PIK3CB: variants seen among roughly 807,000 people sequenced by gnomAD.
PIK3CB encodes phosphatidylinositol-4,5-bisphosphate 3-kinase catalytic subunit beta.
PIK3CB carries 39 observed loss-of-function variants against 136.8 expected under a neutral mutation model. The observed-to-expected ratio is 0.29, with a 90% CI of 0.22 to 0.37. The LOEUF (loss-of-function observed/expected upper bound fraction) is 0.37, where lower values mean the gene tolerates loss of function less well. Among genes scored for constraint, PIK3CB ranks in the 10% least tolerant of loss-of-function variants. The pLI is 1.00. For synonymous variants in PIK3CB, 428 were observed against 436.6 expected (o/e 0.98, Z 0.25); for missense variants, 868 against 1,275.4 (o/e 0.68, Z 4.87).
chr3:138,809,076 T>G (rs896161864), intron 1 of PIK3CB, among the ~76,000 whole-genome samples: 2 of 149,296 alleles, frequency 1.3e-5, no homozygotes, highest in Non-Finnish European at 3.0e-5. Context: ...GAGTTCAAGA[T>G]CATCCTGGCC....
chr3:138,688,224 A>C (rs958289812), intron 16 of PIK3CB, among the ~76,000 whole-genome samples: 2 of 151,944 alleles, frequency 1.3e-5, no homozygotes, highest in Non-Finnish European at 2.9e-5. Flanking sequence ...TGGGGCAGCC[A>C]GGTACGGTGG....
chr3:138,660,650 T>TA (rs949989824), intron 21 of PIK3CB, among the ~76,000 whole-genome samples: 8 of 152,168 alleles, frequency 5.3e-5, no homozygotes, highest in Non-Finnish European at 1.2e-4. Flanking sequence ...CAACTATAGT[T>TA]AACAACAATA....
chr3:138,736,211 G>T (rs926863838), intron 6 of PIK3CB, among the ~76,000 whole-genome samples: 3 of 152,124 alleles, frequency 2.0e-5, no homozygotes, highest in Non-Finnish European at 2.9e-5. Flanking sequence ...TCTTCTTATG[G>T]ACTAGAGTTC....
intron 2 of PIK3CB, among the ~76,000 whole-genome samples, chr3:138,775,894 T>C (rs2045852327): frequency 6.6e-6 from 1 of 151,738 alleles, no homozygotes; most frequent in Non-Finnish European, 1.5e-5. Context: ...ATAGCATTCT[T>C]TTAAATTAAA....
chr3:138,694,963 T>A, intron 13 of PIK3CB, 56 bp from the exon 14 acceptor site: 1 of 1,538,318 alleles, frequency 6.5e-7, no homozygotes, highest in South Asian at 1.3e-5. Context: ...TAATCTAATT[T>A]TCCTTGACAC....
At chr3:138,714,892 A>T (rs1172594764) in intron 8 of PIK3CB, among the ~76,000 whole-genome samples, 173 bp from the exon 9 acceptor site, 1 of 152,216 alleles carries the variant, frequency 6.6e-6, no homozygotes, top group Admixed American at 6.5e-5. Flanking sequence ...TTGTCTGCAG[A>T]ACCACTAGAG....
At chr3:138,813,303 GA>G (rs1933159772) in intron 1 of PIK3CB, among the ~76,000 whole-genome samples, 1 of 152,016 alleles carries the variant, frequency 6.6e-6, no homozygotes. Context: ...ACACTTAAGT[GA>G]TACAGTTCCC....
chr3:138,813,430 ATT>A (rs770922735), intron 1 of PIK3CB, among the ~76,000 whole-genome samples: 42 of 133,146 alleles, frequency 3.2e-4, no homozygotes, highest in African/African-American at 3.3e-4. Context: ...GGCCTACTCT[ATT>A]TTTTTTTTTT....
At chr3:138,779,305 C>T (rs1171040073) in intron 2 of PIK3CB, among the ~76,000 whole-genome samples, 9 of 150,690 alleles carry the variant, frequency 6.0e-5, no homozygotes, top group African/African-American at 2.2e-4. Flanking sequence ...CCAGGATGGT[C>T]TTGATCTCCT....
intron 2 of PIK3CB, among the ~76,000 whole-genome samples, chr3:138,772,753 C>T (rs973889253): frequency 6.8e-6 from 1 of 148,004 alleles, no homozygotes; most frequent in Non-Finnish European, 1.5e-5. Context: ...GGATTACAAG[C>T]ATTAGCCAAA....
Position 138,656,204 on chromosome 3 carries a change from C to A in PIK3CB, c.3013G>T (p.Ala1005Ser). 6.2e-7 allele frequency: 1 copy of A among 1,614,036 alleles called. No individual in the cohort carries two copies. The highest frequency in any genetic ancestry group is 8.5e-7 in the Non-Finnish European group (1 of 1,179,970). The change falls in exon 23 of 24, where the codon GCG becomes TCG. Residue 1005 changes from alanine to serine, a missense_variant. This residue lies in a region of PIK3CB where 88 missense variants were observed against 147.8 expected (regional missense o/e 0.60). Coordinates refer to ENST00000674063, the MANE Select transcript of PIK3CB (RefSeq NM_006219.3). ...GGAAGCCCTGCAGTCAACATCAGCG[C>A]AAAGAGAGTGATGAAGAGATTCCCA... ...RHGNLFITLF[A>S]LMLTAGLPEL... is the part of the protein sequence containing the mutation.
At chr3:138,775,693 G>A (rs1215531574) in intron 2 of PIK3CB, among the ~76,000 whole-genome samples, 1 of 152,092 alleles carries the variant, frequency 6.6e-6, no homozygotes, top group African/African-American at 2.4e-5. Flanking sequence ...TGCATAATGG[G>A]ATGAGTACTG....
intron 19 of PIK3CB, among the ~76,000 whole-genome samples, chr3:138,676,720 T>C (rs2043651748): frequency 6.6e-6 from 1 of 152,184 alleles, no homozygotes; most frequent in South Asian, 2.1e-4. Flanking sequence ...TTGAAGCCAT[T>C]ACGCTTAGAG....
intron 4 of PIK3CB, among the ~76,000 whole-genome samples, chr3:138,744,913 T>C (rs953701084): frequency 3.3e-5 from 5 of 152,208 alleles, no homozygotes; most frequent in African/African-American, 1.2e-4. Flanking sequence ...TTCTCCACGA[T>C]CTGTATCTTG....
chr3:138,653,746 C>G lies in PIK3CB; in HGVS notation c.*1643G>C, dbSNP rs2108376334. 5.3e-6 allele frequency: 1 copy of G among 188,992 alleles called. No homozygotes were observed. The highest frequency in any genetic ancestry group is 1.9e-3 in the Middle Eastern group (1 of 524). The allele number at this position is 188,992 out of a possible 1,614,324, so 11.7% of individuals were successfully genotyped here. A position where few individuals can be genotyped will look rare whatever the true frequency, so the allele number is the denominator to read the frequency against. ...CCCATGAACAAGAGCTCCAAAGCAG[C>G]AGAGTCTGGCCTTGGCTCAGTGCCA... On this transcript the variant is annotated 3_prime_UTR_variant, in exon 24 of 24. Coordinates refer to ENST00000674063, the MANE Select transcript of PIK3CB (RefSeq NM_006219.3).
rs1365145322 is a variant in PIK3CB at position 138,740,634 on chromosome 3, T to G, written c.621+1924A>C. Among the ~76,000 whole-genome samples the G allele has an allele frequency of 5.3e-5, 8 of 152,286 alleles. 2 individuals carry two copies. The highest frequency in any genetic ancestry group is 5.2e-4 in the Admixed American group (8 of 15,280). Reference sequence around the variant, plus strand: ...TTTCAAGCAGTTGTTCATTATCACTTTCAATGACTTCATGAAATATTGTAC... The same window carrying G: ...TTTCAAGCAGTTGTTCATTATCACTGTCAATGACTTCATGAAATATTGTAC... On this transcript the variant is annotated intron_variant, in intron 5 of 23. Coordinates refer to ENST00000674063, the MANE Select transcript of PIK3CB (RefSeq NM_006219.3).
chr3:138,692,394 G>T (rs2044028693), intron 14 of PIK3CB, among the ~76,000 whole-genome samples: 1 of 152,150 alleles, frequency 6.6e-6, no homozygotes, highest in Non-Finnish European at 1.5e-5. Flanking sequence ...GGATCAATGC[G>T]TTTAAGAAAA....
chr3:138,665,894 G>GTC (rs2043400099), intron 19 of PIK3CB, among the ~76,000 whole-genome samples: 9 of 152,008 alleles, frequency 5.9e-5, no homozygotes, highest in Admixed American at 5.9e-4. Context: ...GACATCAATG[G>GTC]GTTTTCATGC....
In PIK3CB at chr3:138,767,506, G is replaced by A. The variant is rs361070; in HGVS notation, c.-16-8147C>T. ...GCCAGAAACATCTGTGGCCAGTGGC[G>A]CCTTTGCCTTAGTTTTGACAGGGCC... is the stretch of plus-strand genomic sequence containing the variant. On this transcript the variant is annotated intron_variant, in intron 2 of 23. Transcript: ENST00000674063. Among the ~76,000 whole-genome samples the A allele has an allele frequency of 7.9e-3, 1,200 of 152,248 alleles. 24 individuals are homozygous for A. Among genetic ancestry groups the A allele is most frequent in the African/African-American group, 0.027 (1,110 of 41,540 alleles).
Sources: gnomAD v4.1 joint callset for allele counts (sites outside exome capture counted in the v4.1 genomes callset) on GRCh38, gnomAD v4.1.1 for gene constraint, gnomAD v4.1.1 regional missense constraint, MANE v1.5 for transcripts, NCBI Gene and HGNC (gene_info 2026-07-23, HGNC 2026-07-21) for gene names.